The following GPHN variants were observed in gnomAD, a reference collection of about 807,000 sequenced individuals.
The protein encoded by GPHN is gephyrin.
GPHN carries 17 observed loss-of-function variants against 95.5 expected under a neutral mutation model. The observed-to-expected ratio is 0.18, with a 90% CI of 0.12 to 0.27. The LOEUF (loss-of-function observed/expected upper bound fraction) is 0.27, where lower values mean the gene tolerates loss of function less well. Ranked by LOEUF, GPHN falls within the 10% of genes least tolerant of loss-of-function variation. The probability of loss-of-function intolerance (pLI) is 1.00; values close to 1 mark genes in which losing one functional copy is unlikely to be tolerated. For missense variants in GPHN, 660 were observed against 978.1 expected (o/e 0.67, Z 4.34); for synonymous variants, 320 against 322.5 (o/e 0.99, Z 0.08).
chr14:67,050,600 A>G (rs1312113408), intron 10 of GPHN, among the ~76,000 whole-genome samples: 1 of 152,188 alleles, frequency 6.6e-6, no homozygotes, highest in Admixed American at 6.5e-5. Context: ...GTATAACATT[A>G]CTTTAGTGAT....
chr14:67,365,165 GCTAT>G, the GPHN span, among the ~76,000 whole-genome samples: 1 of 151,952 alleles, frequency 6.6e-6, no homozygotes, highest in Non-Finnish European at 1.5e-5. Flanking sequence ...ATGCCAATTA[GCTAT>G]CTAAGCAAGA....
intron 21 of GPHN, among the ~76,000 whole-genome samples, chr14:67,171,983 C>T (rs950186755): frequency 6.6e-6 from 1 of 152,184 alleles, no homozygotes; most frequent in African/African-American, 2.4e-5. Flanking sequence ...AAGGAACTGC[C>T]TGGAGTCCAC....
At chr14:67,097,962 G>A (rs1187223563) in intron 12 of GPHN, among the ~76,000 whole-genome samples, 1 of 152,084 alleles carries the variant, frequency 6.6e-6, no homozygotes, top group Non-Finnish European at 1.5e-5. Context: ...TCCTTACCAT[G>A]TGTGTTGAAA....
chr14:66,755,794 T>A (rs2058534704), intron 2 of GPHN, among the ~76,000 whole-genome samples: 1 of 152,188 alleles, frequency 6.6e-6, no homozygotes, highest in South Asian at 2.1e-4. Context: ...AAGGTACTAA[T>A]TTAAATGCAT....
chr14:67,554,740 C>G, the GPHN span, among the ~76,000 whole-genome samples: 1 of 152,142 alleles, frequency 6.6e-6, no homozygotes, highest in Non-Finnish European at 1.5e-5. Flanking sequence ...GCCATGTAGG[C>G]TGTGGGCTCG....
the GPHN span, chr14:67,359,640 T>C: frequency 2.7e-5 from 44 of 1,613,982 alleles, no homozygotes; most frequent in East Asian, 9.6e-4. Context: ...AAGCGGCTTA[T>C]CCCATTCCTT....
rs1212380989 is a variant in GPHN, at chr14:66,565,808, A to G, written c.64+57217A>G. ...TAACAGATATTAACTTACTTTTTGC[A>G]ATTTTATCTTTGTCATTTCACCACA... On this transcript the variant is annotated intron_variant, in intron 1 of 22. Transcript: ENST00000478722. 2.0e-5 allele frequency among the ~76,000 whole-genome samples: 3 copies of G among 152,256 alleles called. No individual in the cohort carries two copies. In the East Asian group the frequency reaches 5.8e-4, roughly 29 times the overall value.
the GPHN span, among the ~76,000 whole-genome samples, chr14:67,246,282 G>T: frequency 1.3e-5 from 2 of 151,168 alleles, no homozygotes; most frequent in African/African-American, 2.4e-5. Flanking sequence ...GCGTGCCACC[G>T]CACTTGGCTG....
chr14:67,085,004 A>G (rs535186140), intron 11 of GPHN, among the ~76,000 whole-genome samples: 16 of 152,390 alleles, frequency 1.0e-4, no homozygotes, highest in African/African-American at 3.1e-4. Flanking sequence ...CAGAATTATT[A>G]TAATAGGATA....
intron 2 of GPHN, among the ~76,000 whole-genome samples, chr14:66,689,350 T>A (rs964906634): frequency 6.6e-6 from 1 of 152,244 alleles, no homozygotes; most frequent in African/African-American, 2.4e-5. Context: ...TTTATTGATT[T>A]GCATATGCTA....
the GPHN span, among the ~76,000 whole-genome samples, chr14:67,210,693 G>C: frequency 6.6e-6 from 1 of 151,534 alleles, no homozygotes; most frequent in African/African-American, 2.4e-5. Context: ...CATTCATTGG[G>C]AGACAGTTTA....
intron 17 of GPHN, among the ~76,000 whole-genome samples, chr14:67,129,006 G>T (rs1021442327): frequency 1.1e-4 from 17 of 151,076 alleles, no homozygotes; most frequent in African/African-American, 4.1e-4. Context: ...TAAAGACAGG[G>T]TTTCTCCATG....
rs144119016 is a variant in GPHN at position 66,618,016 on chromosome 14, T to C, written c.65-63091T>C. On this transcript the variant is annotated intron_variant, in intron 1 of 22. Transcript: ENST00000478722. The stretch of plus-strand genomic sequence containing the variant: ...TGGGAGGGCTAACATTTTTCTGTTT[T>C]CTGGAAGAGTTTCTAAAAGCTTGGT... Among the ~76,000 whole-genome samples the C allele has an allele frequency of 3.7e-4, 57 of 152,330 alleles. 1 individual carries two copies. In the East Asian group the frequency reaches 0.01, roughly 28 times the overall value.
chr14:66,510,918 TA>T (rs552265020), intron 1 of GPHN, among the ~76,000 whole-genome samples: 9 of 152,166 alleles, frequency 5.9e-5, no homozygotes, highest in African/African-American at 2.2e-4. Flanking sequence ...TACAGTAGTC[TA>T]GGGGGAAAAG....
At chr14:66,567,372 CATCT>C (rs1055216821) in intron 1 of GPHN, among the ~76,000 whole-genome samples, 1 of 152,160 alleles carries the variant, frequency 6.6e-6, no homozygotes, top group African/African-American at 2.4e-5. Flanking sequence ...GAATTACTTT[CATCT>C]GAAGTCTTCC....
chr14:67,359,635 G>T, the GPHN span: 1 of 1,613,780 alleles, frequency 6.2e-7, no homozygotes, highest in East Asian at 2.2e-5. Context: ...TGTGAAAGCG[G>T]CTTATCCCAT....
chr14:66,702,235 G>T (rs1454983146), intron 2 of GPHN, among the ~76,000 whole-genome samples: 1 of 152,214 alleles, frequency 6.6e-6, no homozygotes, highest in Non-Finnish European at 1.5e-5. Flanking sequence ...GGGGAATCCA[G>T]GCAGCCCAGA....
At chr14:66,779,958 A>G (rs1264157952) in intron 3 of GPHN, among the ~76,000 whole-genome samples, 4 of 152,156 alleles carry the variant, frequency 2.6e-5, no homozygotes, top group Non-Finnish European at 5.9e-5. Context: ...GAATGTAGGC[A>G]CAAAATGATT....
At chr14:67,306,698 C>G in the GPHN span, among the ~76,000 whole-genome samples, 1 of 152,114 alleles carries the variant, frequency 6.6e-6, no homozygotes, top group African/African-American at 2.4e-5. Context: ...ATGAATAACT[C>G]TCAATTGCAA....
Sources: allele counts gnomAD v4.1 joint callset (sites outside exome capture counted in the v4.1 genomes callset), GRCh38; gene constraint gnomAD v4.1.1; transcripts MANE v1.5; gene names NCBI Gene and HGNC (gene_info 2026-07-23, HGNC 2026-07-21).